Variants in MTCL3 observed in about 807,000 individuals in gnomAD.
The protein encoded by MTCL3 is MTCL family member 3, also known as microtubule cross-linking factor 3.
the MTCL3 span, among the ~76,000 whole-genome samples, chr6:127,497,187 T>C: frequency 6.6e-6 from 1 of 152,210 alleles, no homozygotes; most frequent in Admixed American, 6.5e-5. Context: ...ATGTAAAATA[T>C]GATTCAACAA....
chr6:127,486,220 G>A, the MTCL3 span, among the ~76,000 whole-genome samples: 4 of 152,194 alleles, frequency 2.6e-5, no homozygotes, highest in Non-Finnish European at 5.9e-5. Context: ...CTCAGGTGGA[G>A]TGTTAAGCTC....
the MTCL3 span, among the ~76,000 whole-genome samples, chr6:127,509,802 A>T: frequency 1.3e-5 from 2 of 152,248 alleles, no homozygotes; most frequent in African/African-American, 4.8e-5. Context: ...CCACAGAGTA[A>T]GCCAGTTATA....
the MTCL3 span, chr6:127,473,421 A>C: frequency 1.4e-6 from 2 of 1,443,354 alleles, no homozygotes; most frequent in South Asian, 2.7e-5. Context: ...GACAAAGAGA[A>C]GAGTTAATTA....
chr6:127,475,504 G>T, the MTCL3 span: 2 of 1,613,460 alleles, frequency 1.2e-6, no homozygotes, highest in South Asian at 2.2e-5. This position sits in a 1 kb window ranked among gnomAD's most constrained non-coding sequence, Gnocchi z 7.3. Flanking sequence ...GCGCGCCTCG[G>T]TGATGATGGT....
chr6:127,516,122 C>T, the MTCL3 span: 3 of 1,463,896 alleles, frequency 2.0e-6, no homozygotes, highest in East Asian at 2.5e-5. Context: ...CCTCCCCCTT[C>T]TCCGAGCGGA....
At chr6:127,512,683 AT>A in the MTCL3 span, among the ~76,000 whole-genome samples, 1 of 152,182 alleles carries the variant, frequency 6.6e-6, no homozygotes, top group African/African-American at 2.4e-5. Context: ...AAGCTCGTAC[AT>A]GTCGAGTTAG....
chr6:127,485,405 T>A, the MTCL3 span, among the ~76,000 whole-genome samples: 1 of 152,164 alleles, frequency 6.6e-6, no homozygotes, highest in Non-Finnish European at 1.5e-5. Flanking sequence ...AAGTCAGATC[T>A]TGAAGGACAT....
At chr6:127,493,841 A>G in the MTCL3 span, among the ~76,000 whole-genome samples, 4 of 152,232 alleles carry the variant, frequency 2.6e-5, no homozygotes, top group Admixed American at 2.6e-4. Flanking sequence ...AAAGAATCCA[A>G]TAAATTTTCC....
At chr6:127,486,215 G>T in the MTCL3 span, among the ~76,000 whole-genome samples, 18 of 152,156 alleles carry the variant, frequency 1.2e-4, no homozygotes, top group Admixed American at 1.2e-3. Flanking sequence ...TATCACTCAG[G>T]TGGAGTGTTA....
chr6:127,488,063 C>T, the MTCL3 span, among the ~76,000 whole-genome samples: 1 of 152,070 alleles, frequency 6.6e-6, no homozygotes, highest in African/African-American at 2.4e-5. Context: ...TCAACCTCAT[C>T]TCCCACCACA....
chr6:127,489,301 C>A, the MTCL3 span, among the ~76,000 whole-genome samples: 2 of 152,212 alleles, frequency 1.3e-5, no homozygotes. Context: ...TCCCATCTCT[C>A]TCCCTCTCAG....
At chr6:127,516,385 T>TGCTGCA in the MTCL3 span, 1 of 1,600,366 alleles carries the variant, frequency 6.2e-7, no homozygotes, top group Non-Finnish European at 8.5e-7. Flanking sequence ...CTGTTGCTGC[T>TGCTGCA]GCTGCAGCTG....
At chr6:127,510,456 C>A in the MTCL3 span, among the ~76,000 whole-genome samples, 1 of 152,180 alleles carries the variant, frequency 6.6e-6, no homozygotes, top group African/African-American at 2.4e-5. Context: ...ATTATTTTGG[C>A]TTTTATTTTA....
the MTCL3 span, among the ~76,000 whole-genome samples, chr6:127,499,630 T>C: frequency 0.12 from 17,664 of 152,242 alleles, 1,410 homozygotes; most frequent in Admixed American, 0.19. Flanking sequence ...ACAAAGACCA[T>C]CACCTAGATA....
chr6:127,512,196 C>T, the MTCL3 span, among the ~76,000 whole-genome samples: 1 of 152,108 alleles, frequency 6.6e-6, no homozygotes, highest in African/African-American at 2.4e-5. Context: ...TCATGGTAAA[C>T]ACATTTGGAA....
chr6:127,498,614 C>T, the MTCL3 span, among the ~76,000 whole-genome samples: 1,042 of 152,018 alleles, frequency 6.9e-3, 60 homozygotes, highest in Admixed American at 0.063. Flanking sequence ...TATATCCACA[C>T]GAAAATTTGC....
chr6:127,515,135 T>C, the MTCL3 span: 1 of 1,197,594 alleles, frequency 8.4e-7, no homozygotes, highest in Admixed American at 1.7e-5. The surrounding 1 kb of genome is among the most constrained non-coding windows in gnomAD (Gnocchi z 4.3). Context: ...CAATTCCAAA[T>C]TCTCAGCTTT....
chr6:127,516,026 G>C, the MTCL3 span: 1 of 1,578,486 alleles, frequency 6.3e-7, no homozygotes, highest in Non-Finnish European at 8.6e-7. Context: ...CCTTTCCCTC[G>C]CCAGCCCCTG....
the MTCL3 span, among the ~76,000 whole-genome samples, chr6:127,505,382 C>G: frequency 6.6e-6 from 1 of 152,146 alleles, no homozygotes; most frequent in African/African-American, 2.4e-5. Context: ...ATGAATGGAG[C>G]TGGAGGCCAT....
Sources: allele counts gnomAD v4.1 joint callset (sites outside exome capture counted in the v4.1 genomes callset), GRCh38; gene constraint gnomAD v4.1.1; non-coding constraint Gnocchi (gnomAD v3.1); transcripts MANE v1.5; gene names NCBI Gene and HGNC (gene_info 2026-07-23, HGNC 2026-07-21).